Variants in RTN4 observed in about 807,000 individuals in gnomAD.
RTN4 encodes reticulon-4.
A neutral mutation model predicts 90.4 loss-of-function variants in RTN4; 32 were observed. The observed-to-expected ratio is 0.35, with a 90% confidence interval of 0.27 to 0.48. The LOEUF is 0.48. Among genes scored for constraint, RTN4 ranks in the 20% least tolerant of loss-of-function variants. The pLI, the probability that RTN4 is intolerant of heterozygous loss-of-function variation, is 0.99. For missense variants in RTN4, 1,706 were observed against 1,430.2 expected (o/e 1.19, Z -3.11); for synonymous variants, 629 against 552.5 (o/e 1.14, Z -1.94).
At chr2:55,108,980 G>A (rs559667191) in intron 1 of RTN4, among the ~76,000 whole-genome samples, 15 of 152,152 alleles carry the variant, frequency 9.9e-5, no homozygotes, top group South Asian at 2.1e-4. Context: ...GGTCTGCAGC[G>A]TTTCCAAGTG....
At chr2:55,015,854 CA>C (rs1367622997) in intron 3 of RTN4, among the ~76,000 whole-genome samples, 2 of 152,092 alleles carry the variant, frequency 1.3e-5, no homozygotes, top group Non-Finnish European at 1.5e-5. Context: ...AAAAAATAAG[CA>C]ATATGAATTG....
the RTN4 span, among the ~76,000 whole-genome samples, chr2:55,135,991 A>T: frequency 6.6e-6 from 1 of 152,182 alleles, no homozygotes; most frequent in Non-Finnish European, 1.5e-5. Context: ...GCAAGGCAGG[A>T]GAGGGCCCCC....
intron 3 of RTN4, among the ~76,000 whole-genome samples, chr2:55,023,112 T>C (rs988736173): frequency 3.9e-5 from 6 of 152,162 alleles, no homozygotes; most frequent in African/African-American, 1.4e-4. Flanking sequence ...TCAACTTAGA[T>C]GCCACAGTCC....
intron 2 of RTN4, among the ~76,000 whole-genome samples, chr2:55,065,596 G>A (rs1668375537): frequency 6.6e-6 from 1 of 152,062 alleles, no homozygotes; most frequent in Non-Finnish European, 1.5e-5. Flanking sequence ...AATAAAAAGA[G>A]CAAACCACTA....
At chr2:55,088,463 C>T (rs1044603752) in intron 1 of RTN4, among the ~76,000 whole-genome samples, 4 of 152,170 alleles carry the variant, frequency 2.6e-5, no homozygotes, top group African/African-American at 9.7e-5. Flanking sequence ...CAAAGCCTTC[C>T]ATTTTGTAGT....
At chr2:55,004,461 G>C (rs184749742) in intron 3 of RTN4, among the ~76,000 whole-genome samples, 5 of 152,134 alleles carry the variant, frequency 3.3e-5, no homozygotes, top group African/African-American at 1.2e-4. Flanking sequence ...AAACAGGAAA[G>C]TTGGAATAAA....
At chr2:55,079,679 G>C (rs772492258) in intron 2 of RTN4, among the ~76,000 whole-genome samples, 1 of 152,200 alleles carries the variant, frequency 6.6e-6, no homozygotes, top group Non-Finnish European at 1.5e-5. Flanking sequence ...TGTCAGATCT[G>C]ATCAGAGACC....
At position 55,027,231 on chromosome 2, in the gene RTN4, T is replaced by C. The variant is rs749793246; in HGVS notation, c.868A>G (p.Thr290Ala). The change falls in exon 3 of 9, where the codon ACA (threonine) becomes GCA (alanine). Residue 290 changes from threonine to alanine, a missense_variant. Coordinates refer to ENST00000337526, the MANE Select transcript of RTN4 (RefSeq NM_020532.5). ...GAGTATTCTAATTCTGAAAACTCTG[T>C]TAAATCTCTATCTATGAGTAGAGTT... ...AKTLLIDRDLTEFSELEYSEM... is the reference protein window; with the variant it reads ...AKTLLIDRDLAEFSELEYSEM... 4.3e-6 allele frequency: 7 copies of C among 1,613,824 alleles called. No homozygotes were observed. Among genetic ancestry groups the C allele is most frequent in the Non-Finnish European group, 5.1e-6 (6 of 1,179,832 alleles).
chr2:54,992,913 CA>C (rs1160891160), intron 3 of RTN4, among the ~76,000 whole-genome samples: 69 of 143,202 alleles, frequency 4.8e-4, no homozygotes, highest in African/African-American at 4.6e-4. Flanking sequence ...ACTAAAAATA[CA>C]AAAAAAAAAA....
chr2:55,080,929 G>C (rs1466846549), intron 1 of RTN4, among the ~76,000 whole-genome samples: 1 of 151,930 alleles, frequency 6.6e-6, no homozygotes, highest in African/African-American at 2.4e-5. Context: ...AAAACCTTTT[G>C]GACTTAAAAA....
chr2:55,050,005 G>T lies in RTN4; in HGVS notation c.296C>A (p.Pro99His), dbSNP rs573950021. 1.4e-6 allele frequency: 2 copies of T among 1,380,084 alleles called. No individual in the cohort carries two copies. The highest frequency in any genetic ancestry group is 1.9e-6 in the Non-Finnish European group (2 of 1,074,230). 85.5% of individuals were successfully genotyped at this position (1,380,084 alleles called of 1,614,324 possible). A position where few individuals can be genotyped will look rare whatever the true frequency, so the allele number is the denominator to read the frequency against. The change falls in exon 1 of 9, where the codon CCC becomes CAC. Residue 99 changes from proline (P) to histidine (H), a missense_variant. Transcript: ENST00000337526. The surrounding 1 kb of genome is among the most constrained non-coding windows in gnomAD (Gnocchi z 4.6). ...APRGPLPAAP[P>H]VAPERQPSWD... Reference sequence around the variant, plus strand: ...AGACGGCTGCCGCTCCGGGGCGACGGGGGGAGCGGCCGGCAGGGGTCCCCG... The same window carrying T: ...AGACGGCTGCCGCTCCGGGGCGACGTGGGGAGCGGCCGGCAGGGGTCCCCG...
intron 2 of RTN4, among the ~76,000 whole-genome samples, chr2:55,066,935 T>C (rs937151917): frequency 6.6e-6 from 1 of 152,190 alleles, no homozygotes; most frequent in Non-Finnish European, 1.5e-5. Context: ...ATAATTTGCA[T>C]GTTCAACATA....
In RTN4 at chr2:55,098,541, T is replaced by C. The variant is rs570031952; in HGVS notation, c.-214+13979A>G. ...AGCAAATGCCAGAGAACATATCTTA[T>C]CAGTAAAAGAGAAGAGTTTTTTAAA... On this transcript the variant is annotated intron_variant, in intron 1 of 3. Transcript: ENST00000427710. Among the ~76,000 whole-genome samples, 6 of 152,140 alleles carry C rather than the reference T, an allele frequency of 3.9e-5. No individual in the cohort carries two copies. The East Asian group carries it at 9.6e-4, about 24-fold the overall frequency.
At chr2:54,976,359 A>C (rs764077364) in intron 5 of RTN4, among the ~76,000 whole-genome samples, 2 of 152,134 alleles carry the variant, frequency 1.3e-5, no homozygotes, top group Non-Finnish European at 2.9e-5. Context: ...AGGCTATCCC[A>C]AGACAAAGAG....
At chr2:55,049,239 A>T (rs1035016597) in intron 1 of RTN4, 12 of 916,884 alleles carry the variant, frequency 1.3e-5, no homozygotes, top group African/African-American at 5.4e-5. Flanking sequence ...GCCAGCCAGG[A>T]GGTGAGGAGG....
At chr2:54,974,049 C>T (rs975286644) in intron 6 of RTN4, 182 bp from the exon 7 acceptor site, 1 of 544,890 alleles carries the variant, frequency 1.8e-6, no homozygotes, top group African/African-American at 1.9e-5. Context: ...AATGAATGAA[C>T]TGTGTGAGGC....
At chr2:55,105,890 G>C (rs1667935023) in intron 1 of RTN4, among the ~76,000 whole-genome samples, 1 of 152,048 alleles carries the variant, frequency 6.6e-6, no homozygotes, top group Non-Finnish European at 1.5e-5. Flanking sequence ...TGAGGCCAGA[G>C]GATCGCTTGC....
At chr2:55,016,868 C>T (rs866116540) in intron 3 of RTN4, among the ~76,000 whole-genome samples, 27 of 152,216 alleles carry the variant, frequency 1.8e-4, no homozygotes, top group African/African-American at 6.0e-4. Context: ...GGTCATACAG[C>T]TAAATCAGTG....
rs768644090 is a variant in RTN4 at position 55,027,303 on chromosome 2, G to C, written c.796C>G (p.Gln266Glu). Reference protein sequence around the residue: ...STVLPTEGTLQENVSEASKEV... With the variant: ...STVLPTEGTLEENVSEASKEV... Reference sequence around the variant, plus strand: ...TTAGAAGCTTCACTGACATTTTCTTGAAGTGTTCCTTCAGTGGGTAATACT... The same window carrying C: ...TTAGAAGCTTCACTGACATTTTCTTCAAGTGTTCCTTCAGTGGGTAATACT... Residue 266 changes from glutamine (Q) to glutamate (E), a missense_variant, in exon 3 of 9, where the codon CAA becomes GAA. Gln to Glu is a conservative substitution (Grantham distance 29). Transcript: ENST00000337526. 2 of 1,613,648 alleles carry C rather than the reference G, an allele frequency of 1.2e-6. No homozygotes were observed. Among genetic ancestry groups the C allele is most frequent in the East Asian group, 2.2e-5 (1 of 44,868 alleles).
Sources: gnomAD v4.1 joint callset for allele counts (sites outside exome capture counted in the v4.1 genomes callset) on GRCh38, gnomAD v4.1.1 for gene constraint, Gnocchi (gnomAD v3.1) non-coding constraint, MANE v1.5 for transcripts, NCBI Gene and HGNC (gene_info 2026-07-23, HGNC 2026-07-21) for gene names.